IGF1R: variants seen among roughly 807,000 people sequenced by gnomAD.
The protein encoded by IGF1R is insulin like growth factor 1 receptor.
In IGF1R, 44 loss-of-function variants were observed where a neutral mutation model predicts 144.6. The observed-to-expected ratio is 0.30, with a 90% confidence interval of 0.24 to 0.39. The LOEUF (loss-of-function observed/expected upper bound fraction) is 0.39. IGF1R is among the 10% of genes least tolerant of loss of function. The probability of loss-of-function intolerance (pLI) is 1.00; values close to 1 mark genes in which losing one functional copy is unlikely to be tolerated. For missense variants in IGF1R, 1,355 were observed against 1,833.7 expected (o/e 0.74, Z 4.77); for synonymous variants, 795 against 722.8 (o/e 1.10, Z -1.60).
rs1273537158 is a variant in IGF1R, at chr15:98,957,509, A to G, written c.*67A>G. ...CGCGCAGCGGGGTGGGGGGGGAGAG[A>G]GAGTTTTAACAATCCATTCACAAGC... On this transcript the variant is annotated 3_prime_UTR_variant, in exon 21 of 21. Coordinates refer to ENST00000650285, the MANE Select transcript of IGF1R (RefSeq NM_000875.5). The G allele has an allele frequency of 4.4e-6, 7 of 1,602,938 alleles. No individual in the cohort carries two copies. The East Asian group carries it at 1.1e-4, about 26-fold the overall frequency.
intron 17 of IGF1R, among the ~76,000 whole-genome samples, chr15:98,938,971 C>T (rs1040829882): frequency 2.6e-5 from 4 of 152,108 alleles, no homozygotes; most frequent in Non-Finnish European, 4.4e-5. Context: ...TTGGTGTTTC[C>T]CTCACCAGCT....
chr15:98,946,254 A>G (rs879669123), intron 19 of IGF1R, among the ~76,000 whole-genome samples: 15 of 151,846 alleles, frequency 9.9e-5, no homozygotes, highest in Admixed American at 2.6e-4. Flanking sequence ...CAGGCATGGC[A>G]GTAGGGAGCA....
rs745938800 is a variant in IGF1R at position 98,707,595 on chromosome 15, A to G, written c.128A>G (p.Tyr43Cys). Reference sequence around the variant, plus strand: ...CCAGGCATCGACATCCGCAACGACTATCAGCAGCTGAAGCGCCTGGAGAAC... The same window carrying G: ...CCAGGCATCGACATCCGCAACGACTGTCAGCAGCTGAAGCGCCTGGAGAAC... The part of the protein sequence containing the change: ...CGPGIDIRND[Y>C]QQLKRLENCT... Residue 43 changes from tyrosine to cysteine, a missense_variant, in exon 2 of 21, where the codon TAT becomes TGT. Around this residue, in one of 7 missense-constraint regions of IGF1R, gnomAD observed 75 missense variants for 160.0 expected, o/e 0.47. Coordinates refer to ENST00000650285, the MANE Select transcript of IGF1R (RefSeq NM_000875.5). The surrounding 1 kb of genome is among the most constrained non-coding windows in gnomAD (Gnocchi z 6.7). 6 of 1,614,094 alleles carry G rather than the reference A, an allele frequency of 3.7e-6. No homozygotes were observed. Among genetic ancestry groups the G allele is most frequent in the African/African-American group, 2.7e-5 (2 of 74,912 alleles).
chr15:98,694,118 A>C (rs967576094), intron 1 of IGF1R, among the ~76,000 whole-genome samples: 6 of 152,114 alleles, frequency 3.9e-5, no homozygotes, highest in Non-Finnish European at 7.4e-5. Flanking sequence ...CTTAATTGGC[A>C]TACTTTTATT....
At chr15:98,663,357 G>C (rs2048923360) in intron 1 of IGF1R, among the ~76,000 whole-genome samples, 2 of 152,206 alleles carry the variant, frequency 1.3e-5, no homozygotes, top group African/African-American at 4.8e-5. Context: ...GAGAGAGCTA[G>C]GGGAGAGCAC....
intron 8 of IGF1R, among the ~76,000 whole-genome samples, chr15:98,915,754 C>G (rs999044282): frequency 6.6e-6 from 1 of 152,142 alleles, no homozygotes; most frequent in African/African-American, 2.4e-5. Flanking sequence ...ACAGAGATTA[C>G]CGGAGGAAAT....
intron 2 of IGF1R, among the ~76,000 whole-genome samples, chr15:98,804,656 C>G (rs2056433685): frequency 6.6e-6 from 1 of 152,128 alleles, no homozygotes; most frequent in African/African-American, 2.4e-5. Context: ...AGACCGTCAT[C>G]ATGGACACTC....
intron 1 of IGF1R, among the ~76,000 whole-genome samples, chr15:98,672,740 G>A (rs1373795773): frequency 1.3e-5 from 2 of 152,152 alleles, no homozygotes; most frequent in East Asian, 1.9e-4. Context: ...GGCCACTCAA[G>A]TAGTTCTGAT....
rs549680228 is a variant in IGF1R, at chr15:98,961,457, C to T, written c.*4015C>T. 2.6e-5 allele frequency: 6 copies of T among 233,328 alleles called. No homozygotes were observed. Among genetic ancestry groups the T allele is most frequent in the Admixed American group, 1.1e-4 (2 of 17,796 alleles). 14.5% of individuals were successfully genotyped at this position (233,328 alleles called of 1,614,324 possible). ...GGTGCAGTCACTTTACTGGACCAAC[C>T]CACCCACCTTGACTATACCAAGGCA... On this transcript the variant is annotated 3_prime_UTR_variant, in exon 21 of 21. Coordinates refer to ENST00000650285, the MANE Select transcript of IGF1R (RefSeq NM_000875.5).
chr15:98,933,563 C>T (rs1195734784), intron 15 of IGF1R, among the ~76,000 whole-genome samples: 1 of 152,154 alleles, frequency 6.6e-6, no homozygotes, highest in Non-Finnish European at 1.5e-5. Flanking sequence ...TCTCAAATTC[C>T]TGGGCTCAAG....
intron 1 of IGF1R, among the ~76,000 whole-genome samples, chr15:98,697,812 A>T (rs892406889): frequency 4.6e-5 from 7 of 152,016 alleles, no homozygotes; most frequent in Admixed American, 2.6e-4. Context: ...ATCTCTGCTC[A>T]CTGCAACCTC....
chr15:98,892,544 A>AG (rs1567181426), intron 3 of IGF1R, among the ~76,000 whole-genome samples: 1 of 151,920 alleles, frequency 6.6e-6, no homozygotes, highest in Admixed American at 6.6e-5. Flanking sequence ...AAAAAAAAAA[A>AG]AGAGAAGTTC....
At chr15:98,783,042 G>C (rs957684202) in intron 2 of IGF1R, among the ~76,000 whole-genome samples, 1 of 152,214 alleles carries the variant, frequency 6.6e-6, no homozygotes, top group South Asian at 2.1e-4. Context: ...TGATTTGCGA[G>C]AAGCTCTCTG....
chr15:98,670,961 C>G (rs2052874278), intron 1 of IGF1R, among the ~76,000 whole-genome samples: 1 of 151,122 alleles, frequency 6.6e-6, no homozygotes, highest in African/African-American at 2.4e-5. Flanking sequence ...ACCCTTAGGA[C>G]TTTGGAATGA....
chr15:98,686,610 G>C (rs775088006), intron 1 of IGF1R, among the ~76,000 whole-genome samples: 44 of 151,520 alleles, frequency 2.9e-4, no homozygotes, highest in Non-Finnish European at 4.7e-4. Flanking sequence ...ATGTGAGGTG[G>C]TATCTCATTA....
chr15:98,863,322 T>TG (rs779158294), intron 2 of IGF1R, among the ~76,000 whole-genome samples: 56 of 152,280 alleles, frequency 3.7e-4, no homozygotes, highest in Middle Eastern at 6.8e-3. Context: ...TTAGTTAAGG[T>TG]GGTCTCTGTG....
chr15:98,944,431 C>T (rs2016478140), intron 19 of IGF1R, among the ~76,000 whole-genome samples: 1 of 152,168 alleles, frequency 6.6e-6, no homozygotes, highest in African/African-American at 2.4e-5. Flanking sequence ...CCATGAAATG[C>T]TCAGGCATTG....
At position 98,916,666 on chromosome 15, in the gene IGF1R, G is replaced by C. The variant is rs750280055; in HGVS notation, c.1997-6G>C. 2 of 1,613,588 alleles carry C rather than the reference G, an allele frequency of 1.2e-6. No individual in the cohort carries two copies. Among genetic ancestry groups the C allele is most frequent in the African/African-American group, 1.3e-5 (1 of 74,838 alleles). On this transcript the variant is annotated splice_region_variant and splice_polypyrimidine_tract_variant and intron_variant, in intron 9 of 20. Coordinates refer to ENST00000650285, the MANE Select transcript of IGF1R (RefSeq NM_000875.5). ...ACTCTTGTTTTGGCTTTTCTTTTCC[G>C]AGAAGACAAAATCCCCATCAGGAAG...
intron 1 of IGF1R, among the ~76,000 whole-genome samples, chr15:98,675,516 T>C (rs1468876833): frequency 6.6e-6 from 1 of 152,222 alleles, no homozygotes; most frequent in Non-Finnish European, 1.5e-5. Context: ...TCCACCAGAA[T>C]TGAACACTAA....
Sources: allele counts gnomAD v4.1 joint callset (sites outside exome capture counted in the v4.1 genomes callset), GRCh38; gene constraint gnomAD v4.1.1; regional missense constraint gnomAD v4.1.1; non-coding constraint Gnocchi (gnomAD v3.1); transcripts MANE v1.5; gene names NCBI Gene and HGNC (gene_info 2026-07-23, HGNC 2026-07-21).